The following METRN variants were observed in gnomAD, a reference collection of about 807,000 sequenced individuals.
The protein encoded by METRN is meteorin, glial cell differentiation regulator, also known as meteorin.
METRN carries 17 observed loss-of-function variants against 17.4 expected under a neutral mutation model. The observed-to-expected ratio is 0.98, with a 90% CI of 0.67 to 1.46. METRN has a LOEUF of 1.46. Ranked by LOEUF, METRN falls within the 40% of genes most tolerant of loss-of-function variation. The probability of loss-of-function intolerance (pLI) is 0.00; values close to 1 mark genes in which losing one functional copy is unlikely to be tolerated. For missense variants in METRN, 489 were observed against 456.2 expected, an observed-to-expected ratio of 1.07 and a Z score of -0.65; for synonymous variants, 230 against 210.8, an observed-to-expected ratio of 1.09 and a Z score of -0.79.
At position 715,363 on chromosome 16, in the gene METRN, A is replaced by C; in HGVS notation, c.74A>C (p.Tyr25Ser). The C allele has an allele frequency of 7.5e-7, 1 of 1,336,830 alleles. No individual in the cohort carries two copies. The highest frequency in any genetic ancestry group is 1.5e-5 in the African/African-American group (1 of 65,022). 82.8% of individuals were successfully genotyped at this position (1,336,830 alleles called of 1,614,324 possible). The change falls in exon 1 of 4, where the codon TAC (tyrosine) becomes TCC (serine). Residue 25 changes from tyrosine to serine, a missense_variant. Physicochemically the swap from Tyr to Ser is moderately radical, Grantham distance 144. Transcript: ENST00000568223. ...GLLAPAARAG[Y>S]SEERCSWRGS... ...CTGGCCCCGGCTGCCCGCGCCGGCT[A>C]CTCCGAGGAGCGCTGCAGCTGGAGG...
rs564207551 is a variant in METRN at position 718,252 on chromosome 16, C to T, written c.*865C>T. 1 of 152,426 alleles carries T rather than the reference C, an allele frequency of 6.6e-6. No homozygotes were observed. The highest frequency in any genetic ancestry group is 2.1e-4 in the South Asian group (1 of 4,832). 9.4% of individuals were successfully genotyped at this position (152,426 alleles called of 1,614,324 possible). A position where few individuals can be genotyped will look rare whatever the true frequency, so the allele number is the denominator to read the frequency against. On this transcript the variant is annotated 3_prime_UTR_variant, in exon 4 of 4. Transcript: ENST00000568223. The stretch of plus-strand genomic sequence containing the variant: ...GGTTTGGGACAGCCACAGCCCAAGG[C>T]TCCGAGGCTAAAAGCCCCTGGGTGG...
intron 2 of METRN, chr16:716,675 T>G: frequency 5.2e-6 from 8 of 1,535,330 alleles, no homozygotes; most frequent in Non-Finnish European, 7.0e-6. Flanking sequence ...TCGCTAGGCA[T>G]GGCCCCCAGG....
intron 1 of METRN, 49 bp from the exon 2 acceptor site, chr16:715,534 CG>C: frequency 7.8e-7 from 1 of 1,287,548 alleles, no homozygotes; most frequent in South Asian, 2.3e-5. Flanking sequence ...GGGGCTGCGC[CG>C]GGCGGGGACC....
intron 2 of METRN, 179 bp from the exon 3 acceptor site, chr16:716,754 G>A (rs752893401): frequency 1.2e-5 from 18 of 1,534,990 alleles, no homozygotes; most frequent in Non-Finnish European, 1.5e-5. Context: ...TACAGGTGTC[G>A]CCGAGGGCGT....
At position 718,725 on chromosome 16, in the gene METRN, T is replaced by C. The variant is rs1468024957; in HGVS notation, c.*1338T>C. The C allele has an allele frequency of 6.6e-6, 1 of 152,330 alleles. No homozygotes were observed. The highest frequency in any genetic ancestry group is 1.9e-4 in the East Asian group (1 of 5,198). 9.4% of individuals were successfully genotyped at this position (152,330 alleles called of 1,614,324 possible). ...TGAGGAGCGCAGCCACTGGGTGTCA[T>C]GCACTGTGGGGGTTCTCCCACCTTC... On this transcript the variant is annotated 3_prime_UTR_variant, in exon 4 of 4. Transcript: ENST00000568223.
chr16:716,439 G>A (rs985606242), intron 2 of METRN: 4 of 1,433,930 alleles, frequency 2.8e-6, no homozygotes, highest in African/African-American at 1.4e-5. Context: ...GCTCTTGCTT[G>A]GCTCTCCTGG....
chr16:715,453 C>A (rs1263370857), intron 1 of METRN, 60 bp downstream of exon 1: 2 of 1,257,010 alleles, frequency 1.6e-6, no homozygotes, highest in South Asian at 2.5e-5. Context: ...TAGGACCCCC[C>A]AGGCGCCCCT....
chr16:717,638 CAGG>C lies in METRN; in HGVS notation c.*257_*259del, dbSNP rs1850774687. The C allele has an allele frequency of 7.3e-6, 3 of 410,520 alleles. No homozygotes were observed. The highest frequency in any genetic ancestry group is 1.3e-5 in the Non-Finnish European group (3 of 234,000). 25.4% of individuals were successfully genotyped at this position (410,520 alleles called of 1,614,324 possible). ...GGCAACTGAGAGGGAGAGCAGATGT[CAGG>C]AGGAGCTACACCCACATTCCGGGGA... On this transcript the variant is annotated 3_prime_UTR_variant, in exon 4 of 4. Coordinates refer to ENST00000568223, the MANE Select transcript of METRN (RefSeq NM_024042.4).
Position 717,356 on chromosome 16 carries a change from A to C in METRN, c.851A>C (p.His284Pro). The C allele has an allele frequency of 7.2e-7, 1 of 1,396,154 alleles. No homozygotes were observed. Among genetic ancestry groups the C allele is most frequent in the East Asian group, 3.6e-5 (1 of 27,746 alleles). The allele number at this position is 1,396,154 out of a possible 1,614,324, so 86.5% of individuals were successfully genotyped here. A position where few individuals can be genotyped will look rare whatever the true frequency, so the allele number is the denominator to read the frequency against. ...GCCTACGAGGCTGCCCGTGCTGCCC[A>C]CCTCCACCCCTGCGAGGTGGCGCTG... Reference protein sequence around the residue: ...RRAYEAARAAHLHPCEVALH With the variant: ...RRAYEAARAAPLHPCEVALH The change falls in exon 4 of 4, where the codon CAC (histidine) becomes CCC (proline). Residue 284 changes from histidine to proline, a missense_variant. By Grantham distance (77) the His-to-Pro change is moderately conservative. Transcript: ENST00000568223.
In METRN at chr16:717,109, G is replaced by C. The variant is rs1567304052; in HGVS notation, c.604G>C (p.Glu202Gln). ...CATCCATGGGGTCACCCATGACGTGGAGCTGCAGGAGTCTGTCATCACTGT... is the reference window on the plus strand; with the variant it reads ...CATCCATGGGGTCACCCATGACGTGCAGCTGCAGGAGTCTGTCATCACTGT... The part of the protein sequence containing the change: ...GIIHGVTHDV[E>Q]LQESVITVVA... Residue 202 changes from glutamate (E) to glutamine (Q), a missense_variant, in exon 4 of 4, where the codon GAG (glutamate) becomes CAG (glutamine). Transcript: ENST00000568223. 6.2e-7 allele frequency: 1 copy of C among 1,603,924 alleles called. No individual in the cohort carries two copies. Among genetic ancestry groups the C allele is most frequent in the East Asian group, 2.2e-5 (1 of 44,704 alleles).
intron 2 of METRN, chr16:716,419 A>G: frequency 1.4e-6 from 2 of 1,431,984 alleles, no homozygotes; most frequent in Non-Finnish European, 1.8e-6. Context: ...CCTGCAGGGC[A>G]CCAGGCCCAG....
In METRN at chr16:717,387, A is replaced by G; in HGVS notation, c.882A>G (p.Ter294TrpextTer51). 1 of 1,126,530 alleles carries G rather than the reference A, an allele frequency of 8.9e-7. No homozygotes were observed. Among genetic ancestry groups the G allele is most frequent in the East Asian group, 5.0e-5 (1 of 20,006 alleles). The allele number at this position is 1,126,530 out of a possible 1,614,324, so 69.8% of individuals were successfully genotyped here. A position where few individuals can be genotyped will look rare whatever the true frequency, so the allele number is the denominator to read the frequency against. The stretch of plus-strand genomic sequence containing the variant: ...ACCCCTGCGAGGTGGCGCTGCACTG[A>G]GGGGCTGGGTGCTGGGGAGGGGCTG... ...HLHPCEVALH[*>W] Residue 294 changes from the stop codon to tryptophan, a stop_lost, in exon 4 of 4, where the codon TGA becomes TGG. Transcript: ENST00000568223.
At chr16:716,555 C>T (rs1473031933) in intron 2 of METRN, 6 of 1,534,326 alleles carry the variant, frequency 3.9e-6, no homozygotes, top group Non-Finnish European at 5.2e-6. Flanking sequence ...TCCTATCACC[C>T]TAGCTGGGCT....
rs1063109 is a variant in METRN, at chr16:718,272, G to A, written c.*885G>A. 1.3e-5 allele frequency: 2 copies of A among 152,324 alleles called. No individual in the cohort carries two copies. The highest frequency in any genetic ancestry group is 1.9e-4 in the East Asian group (1 of 5,202). 9.4% of individuals were successfully genotyped at this position (152,324 alleles called of 1,614,324 possible). On this transcript the variant is annotated 3_prime_UTR_variant, in exon 4 of 4. Transcript: ENST00000568223. ...CAAGGCTCCGAGGCTAAAAGCCCCT[G>A]GGTGGGGGTGTTCCAGGACACCTGG...
chr16:716,604 TC>T, intron 2 of METRN: 1 of 1,535,256 alleles, frequency 6.5e-7, no homozygotes, highest in African/African-American at 1.4e-5. Flanking sequence ...ACTAGAGGGG[TC>T]CCAGATGCTG....
Position 715,701 on chromosome 16 carries a change from C to T in METRN, c.222C>T (p.Pro74=), listed in dbSNP as rs778756897. Residue 74 remains proline (P), a synonymous_variant, in exon 2 of 4, where the codon CCC becomes CCT. Coordinates refer to ENST00000568223, the MANE Select transcript of METRN (RefSeq NM_024042.4). ...ALRLTLGGPD[P]RARPGIACLR... is the part of the protein sequence containing the mutation. The stretch of plus-strand genomic sequence containing the variant: ...GCCTGACCCTGGGCGGCCCCGATCC[C>T]AGAGCGCGGCCCGGCATCGCCTGTC... 8 of 1,392,490 alleles carry T rather than the reference C, an allele frequency of 5.7e-6. No individual in the cohort carries two copies. In the African/African-American group the frequency reaches 1.2e-4, roughly 21 times the overall value. The allele number at this position is 1,392,490 out of a possible 1,614,324, so 86.3% of individuals were successfully genotyped here.
At position 717,622 on chromosome 16, in the gene METRN, G is replaced by C. The variant is rs138402839; in HGVS notation, c.*235G>C. The stretch of plus-strand genomic sequence containing the variant: ...TTGTTCAAGACCATTTGGCAACTGA[G>C]AGGGAGAGCAGATGTCAGGAGGAGC... On this transcript the variant is annotated 3_prime_UTR_variant, in exon 4 of 4. Transcript: ENST00000568223. The C allele has an allele frequency of 1.3e-4, 56 of 426,652 alleles. No homozygotes were observed. The highest frequency in any genetic ancestry group is 2.0e-4 in the Non-Finnish European group (49 of 244,630). 26.4% of individuals were successfully genotyped at this position (426,652 alleles called of 1,614,324 possible).
In METRN at chr16:715,365, T is replaced by G; in HGVS notation, c.76T>G (p.Ser26Ala). Residue 26 changes from serine to alanine, a missense_variant, in exon 1 of 4, where the codon TCC (serine) becomes GCC (alanine). Transcript: ENST00000568223. ...GGCCCCGGCTGCCCGCGCCGGCTAC[T>G]CCGAGGAGCGCTGCAGCTGGAGGGG... Reference protein sequence around the residue: ...LLAPAARAGYSEERCSWRGSG... With the variant: ...LLAPAARAGYAEERCSWRGSG... 1 of 1,337,192 alleles carries G rather than the reference T, an allele frequency of 7.5e-7. No individual in the cohort carries two copies. Among genetic ancestry groups the G allele is most frequent in the Non-Finnish European group, 9.6e-7 (1 of 1,045,592 alleles). 82.8% of individuals were successfully genotyped at this position (1,337,192 alleles called of 1,614,324 possible).
chr16:717,429 G>A lies in METRN; in HGVS notation c.*42G>A. On this transcript the variant is annotated 3_prime_UTR_variant, in exon 4 of 4. Transcript: ENST00000568223. ...GAGGGGCTGGTAGGAGGGAGGGTGG[G>A]CCCACTGCTTTGGAGGTGATGGGAC... The A allele has an allele frequency of 3.7e-6, 5 of 1,343,548 alleles. No individual in the cohort carries two copies. In the South Asian group the frequency reaches 8.5e-5, roughly 23 times the overall value. 83.2% of individuals were successfully genotyped at this position (1,343,548 alleles called of 1,614,324 possible).
Sources: allele counts gnomAD v4.1 joint callset, GRCh38; gene constraint gnomAD v4.1.1; transcripts MANE v1.5; gene names NCBI Gene and HGNC (gene_info 2026-07-23, HGNC 2026-07-21).